The following MAEL variants were observed in gnomAD, a reference collection of about 807,000 sequenced individuals.
MAEL encodes the protein protein maelstrom homolog.
A neutral mutation model predicts 62.0 loss-of-function variants in MAEL; 46 were observed. That is an observed-to-expected ratio of 0.74 (90% CI 0.59 to 0.95). MAEL has a LOEUF of 0.95. MAEL is among the 40% of genes least tolerant of loss of function. MAEL has a pLI of 0.00. For missense variants in MAEL, 497 were observed against 526.8 expected (o/e 0.94, Z 0.55); for synonymous variants, 172 against 175.5 (o/e 0.98, Z 0.16).
In MAEL at chr1:167,018,029, A is replaced by C. The variant is rs139635693; in HGVS notation, c.1041+70A>C. 4.0e-4 allele frequency: 584 copies of C among 1,460,816 alleles called. 5 individuals are homozygous for C. The African/African-American group carries it at 7.3e-3, about 18-fold the overall frequency. The allele number at this position is 1,460,816 out of a possible 1,614,324, so 90.5% of individuals were successfully genotyped here. ...TACTCAATGTGATTCTGGCCAACAG[A>C]AACAAAAGATCAGCCTTTGTTTGGT... On this transcript the variant is annotated intron_variant, in intron 10 of 11. Coordinates refer to ENST00000367872, the MANE Select transcript of MAEL (RefSeq NM_032858.3).
intron 4 of MAEL, 90 bp downstream of exon 4, chr1:166,992,931 C>G: frequency 9.2e-7 from 1 of 1,086,728 alleles, no homozygotes; most frequent in South Asian, 1.9e-5. Flanking sequence ...CTTTTTCTTA[C>G]AAGCTCATGT....
At chr1:167,005,771 T>G (rs1229084251) in intron 8 of MAEL, among the ~76,000 whole-genome samples, 1 of 152,200 alleles carries the variant, frequency 6.6e-6, no homozygotes, top group Non-Finnish European at 1.5e-5. Flanking sequence ...ACAGAAAAGT[T>G]GCAAAAATAA....
chr1:166,976,040 G>C (rs1035570606), intron 1 of MAEL, among the ~76,000 whole-genome samples: 1 of 152,212 alleles, frequency 6.6e-6, no homozygotes, highest in African/African-American at 2.4e-5. Flanking sequence ...AAGGAACCAG[G>C]CAAGAGGCTC....
At chr1:167,007,131 TAA>T (rs554696348) in intron 8 of MAEL, among the ~76,000 whole-genome samples, 4 of 143,638 alleles carry the variant, frequency 2.8e-5, no homozygotes, top group Admixed American at 7.0e-5. Context: ...CATTCCACTG[TAA>T]AAAAAAAAAA....
chr1:167,019,135 C>G (rs1665514632), intron 10 of MAEL, among the ~76,000 whole-genome samples: 2 of 152,148 alleles, frequency 1.3e-5, no homozygotes, highest in African/African-American at 4.8e-5. Flanking sequence ...TCTGACAAAG[C>G]CTGGGGACAT....
chr1:166,989,310 G>C lies in MAEL; in HGVS notation c.-43G>C. 6.3e-7 allele frequency: 1 copy of C among 1,588,870 alleles called. No individual in the cohort carries two copies. The highest frequency in any genetic ancestry group is 2.3e-5 in the East Asian group (1 of 44,000). On this transcript the variant is annotated 5_prime_UTR_variant, in exon 1 of 12. Transcript: ENST00000367872. ...GGGCGGGAGCCCGGCGAGGGCGCCG[G>C]TGCTTTGTTCTGTCTGAGGCCAGGA...
intron 5 of MAEL, among the ~76,000 whole-genome samples, chr1:167,003,836 A>G (rs1664777905): frequency 6.6e-6 from 1 of 152,168 alleles, no homozygotes; most frequent in Admixed American, 6.6e-5. Flanking sequence ...CTAATACAAA[A>G]TTTATGAAAG....
rs202037854 is a variant in MAEL at position 167,021,715 on chromosome 1, C to T, written c.1165C>T (p.Arg389Trp). 18 of 1,612,578 alleles carry T rather than the reference C, an allele frequency of 1.1e-5. No homozygotes were observed. The highest frequency in any genetic ancestry group is 1.6e-4 in the Middle Eastern group (1 of 6,078). Residue 389 changes from arginine (R) to tryptophan (W), a missense_variant, in exon 12 of 12, where the codon CGG becomes TGG. Physicochemically the swap from Arg to Trp is moderately radical, Grantham distance 101. Coordinates refer to ENST00000367872, the MANE Select transcript of MAEL (RefSeq NM_032858.3). ...AATTTCTGGCCAAAACAGCAGCGTT[C>T]GGGGAAGAGGAATTACCCGCTTACT... ...AKISGQNSSV[R>W]GRGITRLLES...
intron 8 of MAEL, among the ~76,000 whole-genome samples, chr1:167,006,906 G>A (rs1664939232): frequency 1.3e-5 from 2 of 151,930 alleles, no homozygotes; most frequent in South Asian, 4.1e-4. Context: ...AAAGTGCTGG[G>A]ATTACATGCG....
intron 8 of MAEL, among the ~76,000 whole-genome samples, chr1:167,014,688 G>C (rs975520710): frequency 6.6e-6 from 1 of 152,096 alleles, no homozygotes; most frequent in Non-Finnish European, 1.5e-5. Flanking sequence ...GTTGAAAGGG[G>C]GGACCTTTCC....
chr1:166,980,390 C>T (rs1439835930), intron 1 of MAEL, among the ~76,000 whole-genome samples: 2 of 152,024 alleles, frequency 1.3e-5, no homozygotes, highest in Admixed American at 1.3e-4. Context: ...AAAGCTGTGC[C>T]CATGCCAAAA....
chr1:166,994,840 T>G (rs1664344943), intron 5 of MAEL, among the ~76,000 whole-genome samples: 1 of 151,818 alleles, frequency 6.6e-6, no homozygotes, highest in African/African-American at 2.4e-5. Context: ...CAGCTAATTT[T>G]TATATTTTTA....
At chr1:166,991,927 T>C (rs1402913161) in intron 3 of MAEL, among the ~76,000 whole-genome samples, 1 of 152,228 alleles carries the variant, frequency 6.6e-6, no homozygotes, top group Non-Finnish European at 1.5e-5. Flanking sequence ...GATTTAATCA[T>C]TCCACAATGT....
At chr1:167,018,008 C>G in intron 10 of MAEL, 49 bp downstream of exon 10, 2 of 1,563,216 alleles carry the variant, frequency 1.3e-6, no homozygotes, top group Middle Eastern at 1.7e-4. Context: ...CTGTTCTACT[C>G]AATGTGATTC....
At chr1:167,006,144 CA>C (rs1208909763) in intron 8 of MAEL, 1 of 151,974 alleles carries the variant, frequency 6.6e-6, no homozygotes, top group Non-Finnish European at 1.5e-5. Context: ...GTGTAATGAT[CA>C]AAATCAGGAA....
Position 167,021,863 on chromosome 1 carries a change from A to G in MAEL, c.*8A>G, listed in dbSNP as rs1240588530. On this transcript the variant is annotated 3_prime_UTR_variant, in exon 12 of 12. Coordinates refer to ENST00000367872, the MANE Select transcript of MAEL (RefSeq NM_032858.3). ...TTCTCTTCCTTATCTTAATGATGGT[A>G]CTCTTTTCAATTTCTGAAAACAGTA... 1 of 1,583,436 alleles carries G rather than the reference A, an allele frequency of 6.3e-7. No homozygotes were observed.
At chr1:167,020,882 C>G (rs1327862) in intron 10 of MAEL, among the ~76,000 whole-genome samples, 3 of 152,008 alleles carry the variant, frequency 2.0e-5, no homozygotes, top group East Asian at 1.9e-4. Context: ...AAAGGCAAAC[C>G]CTTTTTTGCC....
Position 167,006,600 on chromosome 1 carries a change from A to AATAT in MAEL, c.845+1203_845+1204insATAT, listed in dbSNP as rs1268446290. ...TCTATTGGAAAGTTACTGGTTTTTTACTATATATATATATATATATATATA... is the reference window on the plus strand; with the variant it reads ...TCTATTGGAAAGTTACTGGTTTTTTAATATCTATATATATATATATATATATATA... On this transcript the variant is annotated intron_variant, in intron 8 of 11. Transcript: ENST00000367872. Among the ~76,000 whole-genome samples the AATAT allele has an allele frequency of 3.0e-3, 137 of 45,992 alleles. 1 individual carries two copies. Among genetic ancestry groups the AATAT allele is most frequent in the Non-Finnish European group, 4.6e-3 (110 of 23,698 alleles). 30.2% of individuals were successfully genotyped at this position (45,992 alleles called of 152,430 possible). A position where few individuals can be genotyped will look rare whatever the true frequency, so the allele number is the denominator to read the frequency against.
At chr1:167,014,685 G>C (rs1665309371) in intron 8 of MAEL, among the ~76,000 whole-genome samples, 1 of 152,176 alleles carries the variant, frequency 6.6e-6, no homozygotes, top group Non-Finnish European at 1.5e-5. Flanking sequence ...TGGGTTGAAA[G>C]GGGGGACCTT....
Sources: gnomAD v4.1 joint callset for allele counts (sites outside exome capture counted in the v4.1 genomes callset) on GRCh38, gnomAD v4.1.1 for gene constraint, MANE v1.5 for transcripts, NCBI Gene and HGNC (gene_info 2026-07-23, HGNC 2026-07-21) for gene names.